Variants in CABCOCO1 observed in about 807,000 individuals in gnomAD.
CABCOCO1 encodes the protein ciliary-associated calcium-binding coiled-coil protein 1.
A neutral mutation model predicts 35.7 loss-of-function variants in CABCOCO1; 28 were observed. The observed-to-expected ratio is 0.78, with a 90% CI of 0.58 to 1.07. The LOEUF is 1.07. CABCOCO1 is among the 50% of genes least tolerant of loss of function. The pLI is 0.00. For missense variants in CABCOCO1, 326 were observed against 309.2 expected (o/e 1.05, Z -0.41); for synonymous variants, 95 against 100.1 (o/e 0.95, Z 0.30).
At chr10:61,744,752 T>C (rs1037426671) in intron 5 of CABCOCO1, among the ~76,000 whole-genome samples, 6 of 152,134 alleles carry the variant, frequency 3.9e-5, no homozygotes, top group African/African-American at 1.4e-4. Context: ...ATTGCCCTAC[T>C]GTATCATAAA....
chr10:61,726,142 G>A (rs1012382065), intron 5 of CABCOCO1, among the ~76,000 whole-genome samples: 2 of 152,124 alleles, frequency 1.3e-5, no homozygotes, highest in East Asian at 1.9e-4. Context: ...TAATTTCAAA[G>A]ATTTGTTCCA....
At chr10:61,729,065 T>C (rs1020388623) in intron 5 of CABCOCO1, among the ~76,000 whole-genome samples, 2 of 152,144 alleles carry the variant, frequency 1.3e-5, no homozygotes, top group African/African-American at 4.8e-5. Flanking sequence ...ATAAACCATG[T>C]GGTGTTACAC....
intron 5 of CABCOCO1, among the ~76,000 whole-genome samples, chr10:61,719,765 C>G (rs1198111071): frequency 4.6e-5 from 7 of 151,612 alleles, no homozygotes; most frequent in African/African-American, 1.2e-4. Flanking sequence ...AACAGAAATA[C>G]AAAAAATTAG....
intron 5 of CABCOCO1, among the ~76,000 whole-genome samples, chr10:61,731,156 C>T (rs1484223483): frequency 6.6e-6 from 1 of 150,828 alleles, no homozygotes; most frequent in East Asian, 1.9e-4. Flanking sequence ...TTAAGAAATG[C>T]ACATTGAAGT....
intron 5 of CABCOCO1, among the ~76,000 whole-genome samples, chr10:61,706,024 A>G (rs1283500113): frequency 6.6e-6 from 1 of 152,220 alleles, no homozygotes; most frequent in African/African-American, 2.4e-5. Flanking sequence ...CAGAAGTTTC[A>G]ACAATTAAAA....
intron 5 of CABCOCO1, among the ~76,000 whole-genome samples, chr10:61,754,404 A>C (rs114185047): frequency 5.7e-4 from 87 of 152,236 alleles, no homozygotes; most frequent in African/African-American, 2.0e-3. Flanking sequence ...TTGCATTTAC[A>C]CTACAAGAAG....
At chr10:61,728,023 G>A (rs111231526) in intron 5 of CABCOCO1, among the ~76,000 whole-genome samples, 1,551 of 152,190 alleles carry the variant, frequency 0.01, 37 homozygotes, top group East Asian at 0.095. Context: ...ATTTCTAGAC[G>A]CTTAAAACCT....
chr10:61,667,036 TATATA>T (rs1279470556), intron 1 of CABCOCO1, among the ~76,000 whole-genome samples: 4 of 140,782 alleles, frequency 2.8e-5, no homozygotes, highest in Non-Finnish European at 6.1e-5. Flanking sequence ...ATAATTATAT[TATATA>T]TAAATTTCAT....
intron 1 of CABCOCO1, among the ~76,000 whole-genome samples, chr10:61,668,845 A>G (rs1839268809): frequency 1.3e-5 from 2 of 151,830 alleles, no homozygotes; most frequent in South Asian, 4.1e-4. Flanking sequence ...GATAATTTCT[A>G]TTTTAATGCA....
At chr10:61,668,513 T>A (rs940992532) in intron 1 of CABCOCO1, among the ~76,000 whole-genome samples, 1 of 152,104 alleles carries the variant, frequency 6.6e-6, no homozygotes, top group African/African-American at 2.4e-5. Context: ...ATCAGATCAA[T>A]TTTCTCGTCC....
intron 5 of CABCOCO1, among the ~76,000 whole-genome samples, chr10:61,759,073 T>C (rs12255851): frequency 0.23 from 34,491 of 151,902 alleles, 4,430 homozygotes; most frequent in East Asian, 0.55. Flanking sequence ...AAATTTTGTC[T>C]TCAAACTTAT....
chr10:61,686,348 G>A (rs1341297721), intron 4 of CABCOCO1, among the ~76,000 whole-genome samples, 163 bp downstream of exon 4: 2 of 152,012 alleles, frequency 1.3e-5, no homozygotes, highest in African/African-American at 2.4e-5. Context: ...TTTAAATTAA[G>A]TGTTCAAATC....
At chr10:61,761,122 C>T (rs1191971640) in intron 7 of CABCOCO1, 119 bp downstream of exon 7, 1 of 1,025,168 alleles carries the variant, frequency 9.8e-7, no homozygotes, top group Non-Finnish European at 1.4e-6. Flanking sequence ...TGACGAAGTT[C>T]AATTTAACAG....
chr10:61,688,313 C>T (rs573156301), intron 4 of CABCOCO1, among the ~76,000 whole-genome samples: 10 of 152,234 alleles, frequency 6.6e-5, no homozygotes, highest in African/African-American at 2.2e-4. Context: ...ACTAAAAGCC[C>T]TAGTCAATTT....
At chr10:61,733,618 A>G (rs1364902382) in intron 5 of CABCOCO1, among the ~76,000 whole-genome samples, 1 of 152,112 alleles carries the variant, frequency 6.6e-6, no homozygotes, top group Non-Finnish European at 1.5e-5. Flanking sequence ...CATCACATTC[A>G]AAATTGCCAA....
At chr10:61,679,584 T>C (rs997503062) in intron 2 of CABCOCO1, among the ~76,000 whole-genome samples, 1 of 152,126 alleles carries the variant, frequency 6.6e-6, no homozygotes, top group Non-Finnish European at 1.5e-5. Flanking sequence ...ATACAGAAAA[T>C]GCCTGCTAGT....
At chr10:61,710,263 T>A (rs28574922) in intron 5 of CABCOCO1, among the ~76,000 whole-genome samples, 1 of 19,030 alleles carries the variant, frequency 5.3e-5, no homozygotes, top group Non-Finnish European at 1.2e-4. Flanking sequence ...AGTGTGTGTG[T>A]GTGTGTGTGT....
chr10:61,751,582 C>G (rs902546248), intron 5 of CABCOCO1, among the ~76,000 whole-genome samples: 1 of 152,156 alleles, frequency 6.6e-6, no homozygotes, highest in East Asian at 1.9e-4. Context: ...CAAGCTTCAG[C>G]CTGTCAATGA....
chr10:61,665,806 G>A (rs1301382667), intron 1 of CABCOCO1, among the ~76,000 whole-genome samples: 2 of 150,874 alleles, frequency 1.3e-5, no homozygotes, highest in African/African-American at 2.4e-5. Context: ...AGAATGGCGT[G>A]AACCCGGGAG....
Sources: gnomAD v4.1 joint callset for allele counts (sites outside exome capture counted in the v4.1 genomes callset) on GRCh38, gnomAD v4.1.1 for gene constraint, MANE v1.5 for transcripts, NCBI Gene and HGNC (gene_info 2026-07-23, HGNC 2026-07-21) for gene names.